Variants in PTPRC observed in about 807,000 individuals in gnomAD.
The protein encoded by PTPRC is protein tyrosine phosphatase receptor type C.
A neutral mutation model predicts 155.9 loss-of-function variants in PTPRC; 44 were observed. The observed-to-expected ratio is 0.28, with a 90% CI of 0.22 to 0.36. PTPRC has a LOEUF of 0.36. Ranked by LOEUF, PTPRC falls within the 10% of genes least tolerant of loss-of-function variation. PTPRC has a pLI of 1.00. For synonymous variants in PTPRC, 525 were observed against 533.1 expected (o/e 0.98, Z 0.21); for missense variants, 1,401 against 1,564.6 (o/e 0.90, Z 1.76).
At chr1:198,722,800 A>G (rs1005023111) in intron 15 of PTPRC, among the ~76,000 whole-genome samples, 2 of 151,670 alleles carry the variant, frequency 1.3e-5, no homozygotes, top group African/African-American at 4.8e-5. Flanking sequence ...GTACTATTTT[A>G]GATTATCTAT....
chr1:198,658,563 G>T (rs1041108519), intron 2 of PTPRC, among the ~76,000 whole-genome samples: 1 of 152,066 alleles, frequency 6.6e-6, no homozygotes, highest in African/African-American at 2.4e-5. Flanking sequence ...TCCTGAAGTG[G>T]TAACTTTGGT....
At chr1:198,670,136 A>G (rs1161352451) in intron 2 of PTPRC, among the ~76,000 whole-genome samples, 1 of 152,182 alleles carries the variant, frequency 6.6e-6, no homozygotes, top group Non-Finnish European at 1.5e-5. Flanking sequence ...GAAATAGATC[A>G]TGAGTGAAAC....
At chr1:198,658,646 T>TC (rs1663742326) in intron 2 of PTPRC, among the ~76,000 whole-genome samples, 1 of 152,122 alleles carries the variant, frequency 6.6e-6, no homozygotes, top group African/African-American at 2.4e-5. Flanking sequence ...TCCTCTCCTC[T>TC]CACCCCTGAA....
intron 2 of PTPRC, among the ~76,000 whole-genome samples, chr1:198,653,990 A>G (rs1224062906): frequency 6.6e-6 from 1 of 151,848 alleles, no homozygotes; most frequent in Non-Finnish European, 1.5e-5. Flanking sequence ...ATGGCAAGAA[A>G]ACATTTCCTT....
intron 2 of PTPRC, among the ~76,000 whole-genome samples, chr1:198,671,247 C>T (rs572137901): frequency 1.3e-5 from 2 of 152,094 alleles, no homozygotes; most frequent in East Asian, 1.9e-4. Context: ...TATCACCCCC[C>T]TCACCCCCCT....
Position 198,750,588 on chromosome 1 carries a change from G to T in PTPRC, c.3169G>T (p.Val1057Phe). The change falls in exon 29 of 33, where the codon GTT becomes TTT. Residue 1057 changes from valine (V) to phenylalanine (F), a missense_variant. This residue lies in a region of PTPRC where 400 missense variants were observed against 389.5 expected (regional missense o/e 1.03). Coordinates refer to ENST00000442510, the MANE Select transcript of PTPRC (RefSeq NM_002838.5). ...GATGATCTTCCAAAGAAAAGTCAAA[G>T]TTATTGTTATGCTGACAGAACTGAA... ...WQMIFQRKVK[V>F]IVMLTELKHG... The T allele has an allele frequency of 3.1e-6, 5 of 1,612,810 alleles. No homozygotes were observed. The highest frequency in any genetic ancestry group is 4.2e-6 in the Non-Finnish European group (5 of 1,179,156).
intron 29 of PTPRC, 91 bp from the exon 30 acceptor site, chr1:198,752,158 C>T: frequency 1.4e-6 from 2 of 1,399,816 alleles, no homozygotes; most frequent in Non-Finnish European, 2.0e-6. Context: ...AAAAGAGGCA[C>T]AGACAGAGAA....
At chr1:198,643,365 G>T (rs981194731) in intron 2 of PTPRC, among the ~76,000 whole-genome samples, 1 of 151,822 alleles carries the variant, frequency 6.6e-6, no homozygotes, top group Non-Finnish European at 1.5e-5. Flanking sequence ...ACTGCATATT[G>T]TAGTGACAAA....
At chr1:198,719,854 G>T (rs1006871558) in intron 14 of PTPRC, among the ~76,000 whole-genome samples, 1 of 152,006 alleles carries the variant, frequency 6.6e-6, no homozygotes, top group Admixed American at 6.5e-5. Context: ...CAAGTAATCC[G>T]CCTGCCTCAG....
At chr1:198,653,440 C>A (rs1466090466) in intron 2 of PTPRC, among the ~76,000 whole-genome samples, 2 of 151,602 alleles carry the variant, frequency 1.3e-5, no homozygotes, top group African/African-American at 2.4e-5. Context: ...AAGTTGAAAT[C>A]TTGATTAAAA....
intron 3 of PTPRC, chr1:198,694,927 T>A (rs1474437900): frequency 3.1e-6 from 3 of 980,240 alleles, no homozygotes; most frequent in Non-Finnish European, 1.2e-6. Context: ...TGGCATGTCA[T>A]TATGGGTAAA....
At chr1:198,712,799 C>T in intron 11 of PTPRC, 154 bp from the exon 12 acceptor site, 2 of 836,952 alleles carry the variant, frequency 2.4e-6, no homozygotes, top group Non-Finnish European at 3.8e-6. Flanking sequence ...TACTCTAAAA[C>T]AAATTAAATG....
chr1:198,681,931 C>T (rs1336717559), intron 2 of PTPRC, among the ~76,000 whole-genome samples: 1 of 152,166 alleles, frequency 6.6e-6, no homozygotes, highest in Non-Finnish European at 1.5e-5. Flanking sequence ...GTTTTAACCC[C>T]GAGATAGGGC....
In PTPRC at chr1:198,692,364, TC is replaced by T; in HGVS notation, c.96del (p.Thr33LeufsTer3). Reference sequence around the variant, plus strand: ...CTTTGCAGGGCAAAGCCCAACACCTTCCCCCACTGGTAAGAATTAATATTTA... The same window carrying T: ...CTTTGCAGGGCAAAGCCCAACACCTTCCCCACTGGTAAGAATTAATATTTA... ...VFVTGQSPTP[S>X]PTGLTTAKMP... On this transcript the variant is annotated frameshift_variant, in exon 3 of 33. Transcript: ENST00000442510. LOFTEE classifies it high-confidence loss of function. The T allele has an allele frequency of 2.0e-6, 3 of 1,499,830 alleles. No homozygotes were observed. Among genetic ancestry groups the T allele is most frequent in the South Asian group, 1.4e-5 (1 of 70,872 alleles). 92.9% of individuals were successfully genotyped at this position (1,499,830 alleles called of 1,614,324 possible). A position where few individuals can be genotyped will look rare whatever the true frequency, so the allele number is the denominator to read the frequency against.
chr1:198,728,549 A>T (rs762791138), intron 16 of PTPRC, 101 bp downstream of exon 16: 5 of 1,428,354 alleles, frequency 3.5e-6, no homozygotes, highest in Non-Finnish European at 4.7e-6. Context: ...AAATATGTGA[A>T]CTAGAGAGAA....
rs1284672802 is a variant in PTPRC, at chr1:198,706,860, A to C, written c.812A>C (p.His271Pro). 6.2e-7 allele frequency: 1 copy of C among 1,613,632 alleles called. No individual in the cohort carries two copies. The highest frequency in any genetic ancestry group is 1.1e-5 in the South Asian group (1 of 91,084). The change falls in exon 9 of 33, where the codon CAT (histidine) becomes CCT (proline). Residue 271 changes from histidine to proline, a missense_variant. His to Pro is a moderately conservative substitution (Grantham distance 77, BLOSUM62 -2). Transcript: ENST00000442510. ...AATACTTGCACAAACAATGAGGTGC[A>C]TAACCTTACAGAATGTAAAAATGCG... is the stretch of plus-strand genomic sequence containing the variant. ...GNNTCTNNEV[H>P]NLTECKNASV...
rs552950764 is a variant in PTPRC, at chr1:198,704,140, C to G, written c.659-332C>G. 2.8e-3 allele frequency among the ~76,000 whole-genome samples: 420 copies of G among 152,190 alleles called. 4 individuals are homozygous for G. Among genetic ancestry groups the G allele is most frequent in the Non-Finnish European group, 2.5e-3 (172 of 68,012 alleles). On this transcript the variant is annotated intron_variant, in intron 7 of 32. Transcript: ENST00000442510. ...TATATAAATTAACATTGAGATTAAT[C>G]AAAATATGAAGACCTTTAAAATATT...
chr1:198,671,130 A>T (rs190518324), intron 2 of PTPRC, among the ~76,000 whole-genome samples: 1,771 of 150,380 alleles, frequency 0.012, 31 homozygotes, highest in African/African-American at 0.041. Context: ...AAAAAAAAAA[A>T]TTTTTCTAGC....
chr1:198,684,706 T>G (rs138487279), intron 2 of PTPRC, among the ~76,000 whole-genome samples: 46 of 152,112 alleles, frequency 3.0e-4, no homozygotes, highest in African/African-American at 1.1e-3. Context: ...ATCTATTGAC[T>G]TCTTCTCTTG....
Sources: allele counts gnomAD v4.1 joint callset (sites outside exome capture counted in the v4.1 genomes callset), GRCh38; gene constraint gnomAD v4.1.1; regional missense constraint gnomAD v4.1.1; transcripts MANE v1.5; gene names NCBI Gene and HGNC (gene_info 2026-07-23, HGNC 2026-07-21).